The following ADGB variants were observed in gnomAD, a reference collection of about 807,000 sequenced individuals.
ADGB encodes the protein calpain-7-like protein.
A neutral mutation model predicts 210.5 loss-of-function variants in ADGB; 172 were observed. That is an observed-to-expected ratio of 0.82 (90% CI 0.72 to 0.93). The LOEUF (loss-of-function observed/expected upper bound fraction) is 0.93, where lower values mean the gene tolerates loss of function less well. Among genes scored for constraint, ADGB ranks in the 40% least tolerant of loss-of-function variants. The pLI is 0.00. For missense variants in ADGB, 2,025 were observed against 1,964.8 expected (o/e 1.03, Z -0.58); for synonymous variants, 658 against 662.7 (o/e 0.99, Z 0.11).
chr6:146,685,697 T>C, intron 9 of ADGB, 37 bp from the exon 10 acceptor site: 1 of 1,337,780 alleles, frequency 7.5e-7, no homozygotes, highest in Non-Finnish European at 1.0e-6. Flanking sequence ...CGATTTTGAC[T>C]AGAATTTTCA....
At chr6:146,696,550 T>C (rs759824163) in intron 12 of ADGB, among the ~76,000 whole-genome samples, 2 of 149,334 alleles carry the variant, frequency 1.3e-5, no homozygotes, top group Non-Finnish European at 2.9e-5. Context: ...ACTGTTTTTG[T>C]GAGGAAAAAT....
At chr6:146,633,493 A>G (rs1781094665) in intron 1 of ADGB, among the ~76,000 whole-genome samples, 1 of 151,770 alleles carries the variant, frequency 6.6e-6, no homozygotes, top group Non-Finnish European at 1.5e-5. Context: ...TCTGCAATCA[A>G]CTTCCATTGC....
intron 30 of ADGB, among the ~76,000 whole-genome samples, chr6:146,784,136 G>A (rs527978642): frequency 1.3e-5 from 2 of 150,028 alleles, no homozygotes; most frequent in African/African-American, 4.8e-5. Flanking sequence ...GATAATTCCC[G>A]AGTTTATGGA....
intron 33 of ADGB, among the ~76,000 whole-genome samples, chr6:146,792,681 C>T (rs567087359): frequency 2.6e-4 from 39 of 151,974 alleles, no homozygotes; most frequent in Non-Finnish European, 4.1e-4. Flanking sequence ...ATAAAGTCTA[C>T]GTAGTTGTGA....
intron 6 of ADGB, among the ~76,000 whole-genome samples, chr6:146,665,477 G>A (rs904459899): frequency 6.6e-6 from 1 of 151,890 alleles, no homozygotes; most frequent in Non-Finnish European, 1.5e-5. Context: ...CCGGTGGCAT[G>A]TTCATTTATT....
chr6:146,741,336 G>A, intron 25 of ADGB, 65 bp downstream of exon 25: 2 of 1,452,018 alleles, frequency 1.4e-6, no homozygotes, highest in Non-Finnish European at 9.3e-7. Flanking sequence ...GCTTGTAGAG[G>A]GTCCTGAAGG....
intron 1 of ADGB, among the ~76,000 whole-genome samples, chr6:146,605,962 A>T (rs1387544941): frequency 6.6e-6 from 1 of 152,172 alleles, no homozygotes; most frequent in African/African-American, 2.4e-5. Context: ...TCTGGGTCAA[A>T]TGGTGGTCCT....
chr6:146,763,533 A>G (rs1016013512), intron 27 of ADGB, among the ~76,000 whole-genome samples: 1 of 152,020 alleles, frequency 6.6e-6, no homozygotes, highest in African/African-American at 2.4e-5. Flanking sequence ...TTAAAAATTG[A>G]AAATTAAAGA....
In ADGB at chr6:146,686,889, G is replaced by C. The variant is rs115596705; in HGVS notation, c.1311+1061G>C. On this transcript the variant is annotated intron_variant, in intron 10 of 35. Transcript: ENST00000397944. ...TAGAAAGAGCTATGTTTTAAAACTT[G>C]AATGGAAATTAGCTTGAAACATAAA... Among the ~76,000 whole-genome samples the C allele has an allele frequency of 6.7e-3, 1,014 of 152,178 alleles. 13 individuals carry two copies. The highest frequency in any genetic ancestry group is 0.024 in the African/African-American group (978 of 41,536).
At chr6:146,707,898 T>G (rs1417157628) in intron 13 of ADGB, among the ~76,000 whole-genome samples, 1 of 152,120 alleles carries the variant, frequency 6.6e-6, no homozygotes, top group Non-Finnish European at 1.5e-5. Flanking sequence ...TCTGGTTGTT[T>G]TGTAGGTCCT....
chr6:146,621,789 T>A (rs1379549469), intron 1 of ADGB, among the ~76,000 whole-genome samples: 1 of 152,140 alleles, frequency 6.6e-6, no homozygotes. Flanking sequence ...ATTCCATGAT[T>A]TTTTTTCATT....
intron 31 of ADGB, 56 bp downstream of exon 31, chr6:146,784,850 G>T (rs1010014916): frequency 2.5e-5 from 36 of 1,469,226 alleles, no homozygotes; most frequent in Non-Finnish European, 3.3e-5. Context: ...GGCATGCTCT[G>T]AAAAAAATAG....
chr6:146,672,466 G>C lies in ADGB; in HGVS notation c.1086G>C (p.Lys362Asn). Residue 362 changes from lysine to asparagine, a missense_variant and splice_region_variant, in exon 8 of 36, where the codon AAG (lysine) becomes AAC (asparagine). Coordinates refer to ENST00000397944, the MANE Select transcript of ADGB (RefSeq NM_024694.4). ...KAPEKSDKVP[K>N]EKADARDIGK... ...CTGAGAAAAGCGACAAAGTTCCAAA[G>C]GGTAAGATATTTTACATCAAAATGT... is the stretch of plus-strand genomic sequence containing the variant. 6.5e-7 allele frequency: 1 copy of C among 1,533,000 alleles called. No homozygotes were observed. The highest frequency in any genetic ancestry group is 1.2e-5 in the South Asian group (1 of 80,252). 95.0% of individuals were successfully genotyped at this position (1,533,000 alleles called of 1,614,324 possible). A position where few individuals can be genotyped will look rare whatever the true frequency, so the allele number is the denominator to read the frequency against.
At chr6:146,744,360 G>A (rs1189064708) in intron 25 of ADGB, among the ~76,000 whole-genome samples, 1 of 152,134 alleles carries the variant, frequency 6.6e-6, no homozygotes, top group Non-Finnish European at 1.5e-5. Context: ...TGACCCATAC[G>A]AAATTCACCA....
At chr6:146,656,582 CTG>C (rs1775784597) in intron 4 of ADGB, among the ~76,000 whole-genome samples, 187 bp from the exon 5 acceptor site, 1 of 152,176 alleles carries the variant, frequency 6.6e-6, no homozygotes. Flanking sequence ...TGTATTGTGA[CTG>C]TATTTCCCAA....
intron 33 of ADGB, among the ~76,000 whole-genome samples, chr6:146,795,345 A>C (rs553436781): frequency 1.2e-4 from 18 of 152,212 alleles, no homozygotes; most frequent in Non-Finnish European, 2.1e-4. Context: ...ACAGTAAAGG[A>C]ACTATCAACA....
intron 1 of ADGB, among the ~76,000 whole-genome samples, chr6:146,629,273 G>A (rs1214274897): frequency 1.3e-5 from 2 of 152,194 alleles, no homozygotes; most frequent in Non-Finnish European, 2.9e-5. Context: ...GGTGCTGAGA[G>A]TTTCAAAAGC....
At chr6:146,635,880 A>T (rs1330646471) in intron 2 of ADGB, among the ~76,000 whole-genome samples, 1 of 152,056 alleles carries the variant, frequency 6.6e-6, no homozygotes, top group Non-Finnish European at 1.5e-5. Context: ...GAAAATGAAA[A>T]TCCACAGTGG....
chr6:146,651,776 T>C (rs1405578264), intron 3 of ADGB, among the ~76,000 whole-genome samples: 2 of 152,034 alleles, frequency 1.3e-5, no homozygotes, highest in Non-Finnish European at 2.9e-5. Flanking sequence ...ATTAGATAAG[T>C]GAGCACTGTG....
Sources: gnomAD v4.1 joint callset for allele counts (sites outside exome capture counted in the v4.1 genomes callset) on GRCh38, gnomAD v4.1.1 for gene constraint, MANE v1.5 for transcripts, NCBI Gene and HGNC (gene_info 2026-07-23, HGNC 2026-07-21) for gene names.